Variants in GPHN observed in about 807,000 individuals in gnomAD.
The protein encoded by GPHN is gephyrin.
In GPHN, 17 loss-of-function variants were observed where a neutral mutation model predicts 95.5. That is an observed-to-expected ratio of 0.18 (90% confidence interval 0.12 to 0.27). The LOEUF is 0.27. Ranked by LOEUF, GPHN falls within the 10% of genes least tolerant of loss-of-function variation. GPHN has a pLI of 1.00. For missense variants in GPHN, 660 were observed against 978.1 expected (o/e 0.67, Z 4.34); for synonymous variants, 320 against 322.5 (o/e 0.99, Z 0.08).
At chr14:66,943,911 G>C (rs1014329445) in intron 8 of GPHN, among the ~76,000 whole-genome samples, 2 of 152,172 alleles carry the variant, frequency 1.3e-5, no homozygotes, top group Non-Finnish European at 2.9e-5. Context: ...GGCAAAAACA[G>C]ATTTTCAGAG....
At chr14:67,157,835 A>G (rs1866582893) in intron 18 of GPHN, among the ~76,000 whole-genome samples, 1 of 149,610 alleles carries the variant, frequency 6.7e-6, no homozygotes, top group African/African-American at 2.5e-5. Context: ...CTCAAGAAGA[A>G]GAGAGAAAGA....
chr14:66,553,094 G>A (rs1310478462), intron 1 of GPHN, among the ~76,000 whole-genome samples: 2 of 151,322 alleles, frequency 1.3e-5, no homozygotes, highest in Middle Eastern at 3.4e-3. Context: ...AGGTTCAAGC[G>A]ATTCCCTGCC....
At chr14:66,747,394 A>G (rs946644250) in intron 2 of GPHN, among the ~76,000 whole-genome samples, 4 of 152,160 alleles carry the variant, frequency 2.6e-5, no homozygotes, top group African/African-American at 4.8e-5. Flanking sequence ...TCTTATTTGT[A>G]TCTTTGACAT....
chr14:67,713,073 C>T, the GPHN span, among the ~76,000 whole-genome samples: 15 of 151,964 alleles, frequency 9.9e-5, no homozygotes, highest in South Asian at 3.1e-3. Context: ...ACAATAAAAA[C>T]AGAAATAAAC....
At chr14:67,274,266 T>C in the GPHN span, among the ~76,000 whole-genome samples, 1 of 152,264 alleles carries the variant, frequency 6.6e-6, no homozygotes, top group African/African-American at 2.4e-5. Flanking sequence ...GTCTAACATT[T>C]AAGTCTTTAA....
At chr14:66,534,850 T>C (rs577846331) in intron 1 of GPHN, among the ~76,000 whole-genome samples, 2 of 152,282 alleles carry the variant, frequency 1.3e-5, no homozygotes, top group Admixed American at 6.5e-5. Flanking sequence ...CTTTGTCTTA[T>C]GGATTTATAG....
the GPHN span, among the ~76,000 whole-genome samples, chr14:67,285,854 A>T: frequency 6.6e-6 from 1 of 152,108 alleles, no homozygotes. Context: ...GGGAGGACAG[A>T]GTTTACGAGG....
chr14:67,686,704 T>A, the GPHN span, among the ~76,000 whole-genome samples: 1 of 151,584 alleles, frequency 6.6e-6, no homozygotes, highest in East Asian at 1.9e-4. Context: ...TTGCACATGC[T>A]ATTTCAGGCC....
At chr14:67,566,669 G>C in the GPHN span, among the ~76,000 whole-genome samples, 1 of 151,494 alleles carries the variant, frequency 6.6e-6, no homozygotes, top group Non-Finnish European at 1.5e-5. Flanking sequence ...TTAAGTTTGA[G>C]CCCAGGGAGG....
the GPHN span, among the ~76,000 whole-genome samples, chr14:67,209,734 C>T: frequency 6.6e-6 from 1 of 151,138 alleles, no homozygotes; most frequent in Non-Finnish European, 1.5e-5. Flanking sequence ...AGGAGAATTG[C>T]CTGAACCCGG....
At chr14:67,535,368 A>ATTTTT in the GPHN span, among the ~76,000 whole-genome samples, 1 of 124,288 alleles carries the variant, frequency 8.0e-6, no homozygotes, top group African/African-American at 3.3e-5. Context: ...TAGTGAGCAC[A>ATTTTT]TCTTTTTTTT....
intron 8 of GPHN, among the ~76,000 whole-genome samples, chr14:66,935,694 ATGTATACG>A (rs1207103646): frequency 4.1e-4 from 63 of 151,956 alleles, no homozygotes; most frequent in African/African-American, 1.4e-3. Context: ...ATATGTATAC[ATGTATACG>A]TATACATGTG....
At chr14:67,212,320 C>CAGAAGCTCTTTAGTTTAATTAGATCCCA in the GPHN span, among the ~76,000 whole-genome samples, 1 of 151,844 alleles carries the variant, frequency 6.6e-6, no homozygotes, top group Non-Finnish European at 1.5e-5. Context: ...AAAAATGTAT[C>CAGAAGCTCTTTAGTTTAATTAGATCCCA]TTAGGGCCAG....
At chr14:66,590,402 C>G (rs544546772) in intron 1 of GPHN, among the ~76,000 whole-genome samples, 2 of 151,784 alleles carry the variant, frequency 1.3e-5, no homozygotes, top group East Asian at 3.9e-4. Flanking sequence ...CAAAATAGAT[C>G]GAAAGCCAGA....
chr14:67,409,475 C>T, the GPHN span, among the ~76,000 whole-genome samples: 8 of 152,284 alleles, frequency 5.3e-5, no homozygotes, highest in Admixed American at 3.3e-4. Context: ...ATCTCTAGGC[C>T]AGAGCATGTT....
chr14:67,333,814 C>CTG, the GPHN span: 23,809 of 152,384 alleles, frequency 0.16, 3,515 homozygotes, highest in East Asian at 0.42. Flanking sequence ...TCTGTATTGA[C>CTG]TTAAAAAGTT....
At chr14:67,553,376 T>TAA in the GPHN span, among the ~76,000 whole-genome samples, 1 of 149,012 alleles carries the variant, frequency 6.7e-6, no homozygotes, top group Admixed American at 6.7e-5. Context: ...TCTGTGTGGG[T>TAA]AAAAAAAAAA....
At chr14:66,714,381 T>C (rs1346225726) in intron 2 of GPHN, among the ~76,000 whole-genome samples, 1 of 152,236 alleles carries the variant, frequency 6.6e-6, no homozygotes, top group Non-Finnish European at 1.5e-5. Context: ...TTTTATCAGT[T>C]CTAGGAGCTT....
the GPHN span, among the ~76,000 whole-genome samples, chr14:67,664,560 G>A: frequency 4.0e-5 from 6 of 148,736 alleles, no homozygotes; most frequent in East Asian, 4.0e-4. Context: ...GCAGTGGCTC[G>A]GTCTCGGTTC....
Sources: allele counts gnomAD v4.1 joint callset (sites outside exome capture counted in the v4.1 genomes callset), GRCh38; gene constraint gnomAD v4.1.1; transcripts MANE v1.5; gene names NCBI Gene and HGNC (gene_info 2026-07-23, HGNC 2026-07-21).